FAM227B: variants seen among roughly 807,000 people sequenced by gnomAD.
The protein encoded by FAM227B is protein FAM227B.
In FAM227B, 88 loss-of-function variants were observed where a neutral mutation model predicts 73.8. The observed-to-expected ratio is 1.19, with a 90% CI of 1.00 to 1.42. The LOEUF (loss-of-function observed/expected upper bound fraction) is 1.42, where lower values mean the gene tolerates loss of function less well. FAM227B is among the 40% of genes most tolerant of loss of function. The pLI, the probability that FAM227B is intolerant of heterozygous loss-of-function variation, is 0.00. For missense variants in FAM227B, 632 were observed against 590.9 expected, an observed-to-expected ratio of 1.07 and a Z score of -0.72; for synonymous variants, 210 against 190.5, an observed-to-expected ratio of 1.10 and a Z score of -0.84.
chr15:49,551,264 AG>A, intron 9 of FAM227B, among the ~76,000 whole-genome samples: 1 of 151,612 alleles, frequency 6.6e-6, no homozygotes, highest in African/African-American at 2.4e-5. Flanking sequence ...CATGAGGGAG[AG>A]GGAGAGGGAG....
chr15:49,554,790 G>GT (rs1395462145), intron 9 of FAM227B, among the ~76,000 whole-genome samples: 3 of 152,080 alleles, frequency 2.0e-5, no homozygotes, highest in Admixed American at 6.6e-5. Flanking sequence ...TTATGAAGGT[G>GT]TTTTTTTCTG....
At chr15:49,349,006 CT>C (rs1342417762) in intron 13 of FAM227B, among the ~76,000 whole-genome samples, 1 of 152,078 alleles carries the variant, frequency 6.6e-6, no homozygotes, top group Non-Finnish European at 1.5e-5. Context: ...CCAAATTGTG[CT>C]TTAAAAAATG....
At chr15:49,387,627 C>A (rs2046963520) in intron 11 of FAM227B, among the ~76,000 whole-genome samples, 1 of 151,756 alleles carries the variant, frequency 6.6e-6, no homozygotes, top group Non-Finnish European at 1.5e-5. Context: ...AAGTGCTATC[C>A]AGACCAATCA....
intron 11 of FAM227B, among the ~76,000 whole-genome samples, chr15:49,493,430 C>A (rs1440336503): frequency 3.9e-5 from 6 of 152,094 alleles, no homozygotes; most frequent in East Asian, 1.9e-4. Context: ...ACGCACCATA[C>A]TTCCTTGTGT....
intron 11 of FAM227B, among the ~76,000 whole-genome samples, chr15:49,456,530 C>T (rs2053307672): frequency 6.6e-6 from 1 of 152,034 alleles, no homozygotes; most frequent in Non-Finnish European, 1.5e-5. Context: ...TGCAAGCATT[C>T]AACTGGATAT....
At chr15:49,424,438 C>G (rs768087610) in intron 11 of FAM227B, 2 of 1,613,580 alleles carry the variant, frequency 1.2e-6, no homozygotes, top group Non-Finnish European at 1.7e-6. Flanking sequence ...TGAACTGTTC[C>G]AGCCCTGAGC....
intron 5 of FAM227B, among the ~76,000 whole-genome samples, chr15:49,586,473 G>C (rs897633754): frequency 6.6e-6 from 1 of 152,132 alleles, no homozygotes; most frequent in East Asian, 1.9e-4. Context: ...CTGGACATAG[G>C]TATGGGCAAA....
At chr15:49,430,404 C>T (rs1043877207) in intron 11 of FAM227B, among the ~76,000 whole-genome samples, 10 of 151,962 alleles carry the variant, frequency 6.6e-5, no homozygotes, top group Middle Eastern at 3.4e-3. Flanking sequence ...TCTCACCTCT[C>T]ATGGCCACAC....
At chr15:49,335,351 T>A (rs1268159196) in intron 14 of FAM227B, 68 bp downstream of exon 14, 2 of 1,026,584 alleles carry the variant, frequency 1.9e-6, no homozygotes, top group Non-Finnish European at 3.0e-6. Flanking sequence ...TTTAGATGAT[T>A]TCTCTGATTG....
intron 11 of FAM227B, among the ~76,000 whole-genome samples, chr15:49,506,015 AAG>A (rs1281632066): frequency 6.6e-6 from 1 of 152,064 alleles, no homozygotes; most frequent in Non-Finnish European, 1.5e-5. Context: ...AACTCAAAAA[AAG>A]AGAATTATCA....
chr15:49,608,166 G>A (rs1355105314), intron 3 of FAM227B, among the ~76,000 whole-genome samples: 1 of 152,144 alleles, frequency 6.6e-6, no homozygotes, highest in Non-Finnish European at 1.5e-5. Context: ...TGGACTAGAA[G>A]TTTTTGTTCC....
chr15:49,543,361 T>A (rs116995838), intron 9 of FAM227B, among the ~76,000 whole-genome samples: 4,270 of 152,282 alleles, frequency 0.028, 96 homozygotes, highest in Middle Eastern at 0.051. Context: ...GAATTATTTG[T>A]TTTTTCTTGC....
At chr15:49,517,414 G>A (rs946789973) in intron 10 of FAM227B, among the ~76,000 whole-genome samples, 2 of 152,060 alleles carry the variant, frequency 1.3e-5, no homozygotes, top group African/African-American at 2.4e-5. Flanking sequence ...ATAAAAATAT[G>A]TTTTATAAAA....
intron 11 of FAM227B, chr15:49,396,236 G>A: frequency 8.2e-6 from 3 of 363,704 alleles, no homozygotes; most frequent in South Asian, 2.0e-5. Context: ...AGGGGTGACG[G>A]ACGGCACCTG....
At chr15:49,530,871 T>A (rs906100998) in intron 10 of FAM227B, among the ~76,000 whole-genome samples, 3 of 151,534 alleles carry the variant, frequency 2.0e-5, no homozygotes, top group Admixed American at 6.6e-5. Flanking sequence ...TAAAGAAATA[T>A]AAAGAAAACC....
chr15:49,541,927 G>T, intron 9 of FAM227B, 121 bp from the exon 10 acceptor site: 2 of 814,490 alleles, frequency 2.5e-6, no homozygotes, highest in East Asian at 3.6e-5. Context: ...ATAAAAATTC[G>T]CCATTTTTTA....
At chr15:49,604,298 A>T (rs1221170490) in intron 3 of FAM227B, among the ~76,000 whole-genome samples, 1 of 151,688 alleles carries the variant, frequency 6.6e-6, no homozygotes, top group Non-Finnish European at 1.5e-5. Flanking sequence ...TGTTATCTTG[A>T]CTTCCATTTT....
At chr15:49,335,580 A>C (rs1353132133) in intron 13 of FAM227B, 84 bp from the exon 14 acceptor site, 8 of 894,762 alleles carry the variant, frequency 8.9e-6, no homozygotes, top group Non-Finnish European at 1.4e-5. Flanking sequence ...AACCAAGGGG[A>C]CCGTGTGACC....
At chr15:49,387,208 C>G (rs1047742786) in intron 11 of FAM227B, among the ~76,000 whole-genome samples, 3 of 151,676 alleles carry the variant, frequency 2.0e-5, no homozygotes, top group Admixed American at 6.6e-5. Flanking sequence ...AACTACCGAT[C>G]AATTTTCCTT....
Sources: allele counts gnomAD v4.1 joint callset (sites outside exome capture counted in the v4.1 genomes callset), GRCh38; gene constraint gnomAD v4.1.1; transcripts MANE v1.5; gene names NCBI Gene and HGNC (gene_info 2026-07-23, HGNC 2026-07-21).